SUPT3H: variants seen among roughly 807,000 people sequenced by gnomAD.
The protein encoded by SUPT3H is transcription initiation protein SPT3 homolog.
SUPT3H carries 44 observed loss-of-function variants against 44.3 expected under a neutral mutation model. The ratio of observed to expected loss-of-function variants is 0.99; its 90% CI spans 0.78 to 1.28. The LOEUF is 1.28. Among genes scored for constraint, SUPT3H ranks in the 50% most tolerant of loss-of-function variants. SUPT3H has a pLI of 0.00. For synonymous variants in SUPT3H, 124 were observed against 125.6 expected (o/e 0.99, Z 0.09); for missense variants, 380 against 387.1 (o/e 0.98, Z 0.15).
intron 7 of SUPT3H, chr6:44,955,287 T>C (rs1774936259): frequency 6.6e-6 from 1 of 152,336 alleles, no homozygotes; most frequent in Non-Finnish European, 1.5e-5. Context: ...GTGAGTAGGC[T>C]TGCTTTCTCA....
At chr6:45,299,531 T>C (rs1468331572) in intron 2 of SUPT3H, among the ~76,000 whole-genome samples, 6 of 152,124 alleles carry the variant, frequency 3.9e-5, no homozygotes, top group African/African-American at 1.4e-4. Context: ...TTTATCTTTT[T>C]ATGAAAATGC....
rs1018440052 is a variant in SUPT3H at position 45,182,418 on chromosome 6, C to T, written c.102-76412G>A. On this transcript the variant is annotated intron_variant, in intron 2 of 10. Coordinates refer to ENST00000371459, the MANE Select transcript of SUPT3H (RefSeq NM_003599.4). ...CTGGGATTACAGGCACCTGCCCCCA[C>T]GCCTGGCTAATTTTTGCATTTTTAG... is the stretch of plus-strand genomic sequence containing the variant. Among the ~76,000 whole-genome samples, 4 of 152,216 alleles carry T rather than the reference C, an allele frequency of 2.6e-5. No homozygotes were observed. The South Asian group carries it at 6.2e-4, about 24-fold the overall frequency.
At chr6:45,148,252 T>C (rs1161179693) in intron 2 of SUPT3H, among the ~76,000 whole-genome samples, 1 of 152,194 alleles carries the variant, frequency 6.6e-6, no homozygotes, top group African/African-American at 2.4e-5. Flanking sequence ...CTTGTATGTA[T>C]ACATTCATTT....
At chr6:44,909,186 T>G (rs1267763839) in intron 10 of SUPT3H, among the ~76,000 whole-genome samples, 1 of 151,490 alleles carries the variant, frequency 6.6e-6, no homozygotes, top group Non-Finnish European at 1.5e-5. Context: ...CTAACATATT[T>G]TGGGAATTTT....
chr6:44,893,555 C>G (rs1763647020), intron 10 of SUPT3H, among the ~76,000 whole-genome samples: 1 of 152,242 alleles, frequency 6.6e-6, no homozygotes, highest in Non-Finnish European at 1.5e-5. Flanking sequence ...GTGAACTCAT[C>G]ATTTTTTATG....
At chr6:44,897,473 T>C (rs1468213002) in intron 10 of SUPT3H, among the ~76,000 whole-genome samples, 2 of 152,216 alleles carry the variant, frequency 1.3e-5, no homozygotes, top group Non-Finnish European at 2.9e-5. Flanking sequence ...CTTTGTGTAA[T>C]ATAGCCTAAT....
intron 2 of SUPT3H, among the ~76,000 whole-genome samples, chr6:45,315,257 A>C (rs1049225679): frequency 1.3e-5 from 2 of 152,148 alleles, no homozygotes; most frequent in African/African-American, 4.8e-5. Flanking sequence ...ACCCAAAAGC[A>C]ATTGCAATAA....
intron 10 of SUPT3H, among the ~76,000 whole-genome samples, chr6:44,847,958 C>CTTTTTCTTTTTTT (rs1772170645): frequency 1.7e-5 from 1 of 58,348 alleles, no homozygotes; most frequent in African/African-American, 6.9e-5. Flanking sequence ...ATCTCTGTGT[C>CTTTTTCTTTTTTT]TTTTTTTTTT....
intron 10 of SUPT3H, among the ~76,000 whole-genome samples, chr6:44,834,686 C>T (rs552206254): frequency 5.3e-5 from 8 of 152,272 alleles, no homozygotes; most frequent in African/African-American, 9.6e-5. Flanking sequence ...ACATGGTTTT[C>T]GCCTAGGATT....
At chr6:45,285,251 G>A (rs1779009565) in intron 2 of SUPT3H, among the ~76,000 whole-genome samples, 1 of 151,738 alleles carries the variant, frequency 6.6e-6, no homozygotes, top group South Asian at 2.1e-4. Context: ...AGGGCAATCA[G>A]GCAGGAGAAG....
rs370847114 is a variant in SUPT3H, at chr6:44,878,448, GC to G, written c.913-48592del. On this transcript the variant is annotated intron_variant, in intron 10 of 10. Transcript: ENST00000371459. ...TGGAGATATTTGGGCTTGCACTAAAGCCTTTTTTTTTTTAAACTAATGAGAG... is the reference window on the plus strand; with the variant it reads ...TGGAGATATTTGGGCTTGCACTAAAGCTTTTTTTTTTTAAACTAATGAGAG... Among the ~76,000 whole-genome samples, 47 of 151,888 alleles carry G rather than the reference GC, an allele frequency of 3.1e-4. 2 individuals are homozygous for G. The East Asian group carries it at 8.3e-3, about 27-fold the overall frequency.
At chr6:45,213,835 T>A (rs1764536704) in intron 2 of SUPT3H, among the ~76,000 whole-genome samples, 1 of 151,974 alleles carries the variant, frequency 6.6e-6, no homozygotes, top group Non-Finnish European at 1.5e-5. Context: ...CAAATCTCTA[T>A]CATTTTAAAC....
chr6:45,280,917 T>A (rs1388752576), intron 2 of SUPT3H, among the ~76,000 whole-genome samples: 1 of 152,168 alleles, frequency 6.6e-6, no homozygotes, highest in Non-Finnish European at 1.5e-5. Context: ...GCCATTAACA[T>A]CTGTAATGTC....
At chr6:45,322,958 T>C (rs1287855223) in intron 2 of SUPT3H, 1 of 1,607,102 alleles carries the variant, frequency 6.2e-7, no homozygotes, top group Non-Finnish European at 8.5e-7. Context: ...CTGTTATTGA[T>C]AAGCAGTTTC....
intron 3 of SUPT3H, among the ~76,000 whole-genome samples, chr6:45,020,909 T>C (rs1158587757): frequency 6.6e-6 from 1 of 151,932 alleles, no homozygotes; most frequent in Non-Finnish European, 1.5e-5. Context: ...CTTCCAGAAA[T>C]GCATTAATGC....
chr6:44,920,326 C>T (rs1768480239), intron 10 of SUPT3H, among the ~76,000 whole-genome samples: 2 of 151,916 alleles, frequency 1.3e-5, no homozygotes, highest in African/African-American at 2.4e-5. Context: ...AATCCCAGCA[C>T]TTTGGGAGGC....
At chr6:44,924,708 T>A (rs1300099859) in intron 10 of SUPT3H, among the ~76,000 whole-genome samples, 1 of 152,116 alleles carries the variant, frequency 6.6e-6, no homozygotes, top group Non-Finnish European at 1.5e-5. Flanking sequence ...ACTTTCAGGT[T>A]ATTCTTATAT....
intron 2 of SUPT3H, among the ~76,000 whole-genome samples, chr6:45,230,686 A>ATATATATATATATATATTTTTTTTTTTT (rs796866510): frequency 2.6e-5 from 3 of 116,796 alleles, no homozygotes; most frequent in South Asian, 3.1e-4. Context: ...ATATATATAT[A>ATATATATATATATATATTTTTTTTTTTT]TTTTTGAGAT....
intron 10 of SUPT3H, among the ~76,000 whole-genome samples, chr6:44,895,432 G>T (rs1013848970): frequency 6.6e-6 from 1 of 151,994 alleles, no homozygotes; most frequent in African/African-American, 2.4e-5. Context: ...AAGCTCTGAA[G>T]ATAATTATTA....
Sources: gnomAD v4.1 joint callset for allele counts (sites outside exome capture counted in the v4.1 genomes callset) on GRCh38, gnomAD v4.1.1 for gene constraint, MANE v1.5 for transcripts, NCBI Gene and HGNC (gene_info 2026-07-23, HGNC 2026-07-21) for gene names.